SOX5: variants seen among roughly 807,000 people sequenced by gnomAD.
SOX5 encodes transcription factor SOX-5.
A neutral mutation model predicts 92.0 loss-of-function variants in SOX5; 9 were observed. The ratio of observed to expected loss-of-function variants is 0.10; its 90% CI spans 0.06 to 0.17. The LOEUF (loss-of-function observed/expected upper bound fraction) is 0.17, where lower values mean the gene tolerates loss of function less well. Ranked by LOEUF, SOX5 falls within the 10% of genes least tolerant of loss-of-function variation. SOX5 has a pLI of 1.00. For synonymous variants in SOX5, 344 were observed against 336.3 expected (o/e 1.02, Z -0.25); for missense variants, 642 against 944.5 (o/e 0.68, Z 4.20).
chr12:24,465,020 G>A (rs181309989), intron 1 of SOX5, among the ~76,000 whole-genome samples: 55 of 152,314 alleles, frequency 3.6e-4, no homozygotes, highest in African/African-American at 1.3e-3. Context: ...AGTGCTCATC[G>A]GGATGATGAC....
At chr12:23,545,161 G>A (rs1476955775) in intron 12 of SOX5, among the ~76,000 whole-genome samples, 1 of 152,136 alleles carries the variant, frequency 6.6e-6, no homozygotes, top group African/African-American at 2.4e-5. Flanking sequence ...AGTAGAATTG[G>A]CCCAAGGCAC....
chr12:24,263,527 C>CAAAAAAAAAAAAAA (rs386375915), intron 3 of SOX5, among the ~76,000 whole-genome samples: 17 of 62,910 alleles, frequency 2.7e-4, no homozygotes, highest in Non-Finnish European at 4.5e-4. Context: ...GACTCCGTCT[C>CAAAAAAAAAAAAAA]AAAAAAAAAA....
intron 8 of SOX5, among the ~76,000 whole-genome samples, chr12:23,623,058 G>A (rs2077367652): frequency 6.6e-6 from 1 of 152,030 alleles, no homozygotes; most frequent in South Asian, 2.1e-4. Flanking sequence ...AACCATACAG[G>A]TCAAATGTAA....
chr12:24,182,745 G>A (rs888482306), intron 4 of SOX5, among the ~76,000 whole-genome samples: 4 of 151,974 alleles, frequency 2.6e-5, no homozygotes, highest in Admixed American at 1.3e-4. Context: ...ACAGAATCTC[G>A]CTCTGTCACC....
At chr12:24,473,556 T>G (rs995382046) in intron 1 of SOX5, among the ~76,000 whole-genome samples, 1 of 152,264 alleles carries the variant, frequency 6.6e-6, no homozygotes, top group Non-Finnish European at 1.5e-5. Flanking sequence ...TATTTGAATC[T>G]GTTGTCTTCA....
intron 1 of SOX5, among the ~76,000 whole-genome samples, chr12:24,419,117 G>A (rs778412662): frequency 6.6e-6 from 1 of 152,012 alleles, no homozygotes; most frequent in Non-Finnish European, 1.5e-5. Flanking sequence ...ATAGCACCTA[G>A]GAGAAGAAAG....
At chr12:24,274,127 T>G (rs1944133163) in intron 3 of SOX5, among the ~76,000 whole-genome samples, 1 of 152,200 alleles carries the variant, frequency 6.6e-6, no homozygotes, top group Admixed American at 6.5e-5. Context: ...TCTACATATA[T>G]CCATAAGGTC....
At chr12:23,646,480 A>G (rs1437258662) in intron 7 of SOX5, among the ~76,000 whole-genome samples, 1 of 152,188 alleles carries the variant, frequency 6.6e-6, no homozygotes, top group African/African-American at 2.4e-5. Flanking sequence ...ATTTCTTCAA[A>G]TAAGACAACA....
At chr12:24,283,381 G>C (rs910696926) in intron 2 of SOX5, among the ~76,000 whole-genome samples, 3 of 152,156 alleles carry the variant, frequency 2.0e-5, no homozygotes, top group Non-Finnish European at 4.4e-5. Flanking sequence ...ACTTCTCCCA[G>C]CAATATTTTC....
intron 2 of SOX5, among the ~76,000 whole-genome samples, chr12:23,870,139 A>G (rs1054295374): frequency 6.6e-6 from 1 of 152,064 alleles, no homozygotes; most frequent in African/African-American, 2.4e-5. Context: ...TAGGGTCCAA[A>G]TAGCATTAGA....
intron 6 of SOX5, among the ~76,000 whole-genome samples, chr12:23,693,909 C>T (rs943851506): frequency 2.0e-5 from 3 of 151,954 alleles, no homozygotes; most frequent in Admixed American, 6.6e-5. Flanking sequence ...TTTCCCTTTC[C>T]TTCTTCTGAA....
intron 1 of SOX5, among the ~76,000 whole-genome samples, chr12:24,443,787 C>A (rs1254592898): frequency 6.6e-6 from 1 of 152,216 alleles, no homozygotes; most frequent in Non-Finnish European, 1.5e-5. Context: ...GTTTCCTCTG[C>A]AGGAAAAACT....
chr12:24,151,723 A>G (rs1270469239), intron 4 of SOX5, among the ~76,000 whole-genome samples: 1 of 152,148 alleles, frequency 6.6e-6, no homozygotes, highest in Non-Finnish European at 1.5e-5. Context: ...AGTTACTGCT[A>G]TGCCCTCAAG....
chr12:24,436,643 CAGA>C (rs1470365863), intron 1 of SOX5, among the ~76,000 whole-genome samples: 4 of 152,056 alleles, frequency 2.6e-5, no homozygotes, highest in African/African-American at 9.7e-5. Flanking sequence ...GCAAAATATC[CAGA>C]AGATCTAGCT....
At chr12:24,266,034 A>ATGTGTGTGTGTGTGTGTGTG (rs59696898) in intron 3 of SOX5, among the ~76,000 whole-genome samples, 2 of 127,622 alleles carry the variant, frequency 1.6e-5, no homozygotes, top group African/African-American at 5.8e-5. Context: ...ATGCCAGCTA[A>ATGTGTGTGTGTGTGTGTGTG]TGTGTGTGTG....
intron 1 of SOX5, among the ~76,000 whole-genome samples, chr12:24,485,895 T>C (rs535439701): frequency 1.3e-5 from 2 of 152,314 alleles, no homozygotes; most frequent in Non-Finnish European, 2.9e-5. Flanking sequence ...TATAAATGTT[T>C]TGAGATGCAA....
chr12:23,577,397 A>T (rs1949339842), intron 9 of SOX5, among the ~76,000 whole-genome samples: 1 of 151,520 alleles, frequency 6.6e-6, no homozygotes, highest in South Asian at 2.1e-4. Context: ...ACAGGGTTTC[A>T]CCATGTTGGC....
At chr12:23,890,975 A>C (rs2097124958) in intron 2 of SOX5, among the ~76,000 whole-genome samples, 1 of 152,178 alleles carries the variant, frequency 6.6e-6, no homozygotes, top group African/African-American at 2.4e-5. Context: ...GTTGCTCTTA[A>C]TTGCTTGGCA....
At chr12:24,246,923 C>T (rs1293352516) in intron 3 of SOX5, among the ~76,000 whole-genome samples, 1 of 151,774 alleles carries the variant, frequency 6.6e-6, no homozygotes, top group Non-Finnish European at 1.5e-5. Flanking sequence ...TACAAAAAAC[C>T]TAAGAGAACA....
Sources: gnomAD v4.1 joint callset for allele counts (sites outside exome capture counted in the v4.1 genomes callset) on GRCh38, gnomAD v4.1.1 for gene constraint, MANE v1.5 for transcripts, NCBI Gene and HGNC (gene_info 2026-07-23, HGNC 2026-07-21) for gene names.